The following PRICKLE2 variants were observed in gnomAD, a reference collection of about 807,000 sequenced individuals.
PRICKLE2 encodes the protein prickle-like protein 2.
A neutral mutation model predicts 81.4 loss-of-function variants in PRICKLE2; 21 were observed. That is an observed-to-expected ratio of 0.26 (90% CI 0.18 to 0.37). The LOEUF is 0.37. Ranked by LOEUF, PRICKLE2 falls within the 10% of genes least tolerant of loss-of-function variation. The probability of loss-of-function intolerance (pLI) is 1.00; values close to 1 mark genes in which losing one functional copy is unlikely to be tolerated. For synonymous variants in PRICKLE2, 456 were observed against 421.5 expected, an observed-to-expected ratio of 1.08 and a Z score of -1.00; for missense variants, 940 against 1,109.0, an observed-to-expected ratio of 0.85 and a Z score of 2.16.
At chr3:64,224,866 A>G (rs1027344207) in intron 1 of PRICKLE2, 44 bp downstream of exon 1, 2 of 965,086 alleles carry the variant, frequency 2.1e-6, no homozygotes, top group Admixed American at 6.2e-5. Flanking sequence ...CTTAGAAAAT[A>G]TACTGCTGTT....
intron 2 of PRICKLE2, among the ~76,000 whole-genome samples, chr3:64,192,769 T>C (rs1167677075): frequency 6.6e-6 from 1 of 152,220 alleles, no homozygotes; most frequent in Non-Finnish European, 1.5e-5. Flanking sequence ...TTGAGTGTTC[T>C]GGATGATGAA....
chr3:64,261,114 A>T (rs1053285087), intron 2 of PRICKLE2, among the ~76,000 whole-genome samples: 1 of 152,310 alleles, frequency 6.6e-6, no homozygotes, highest in East Asian at 1.9e-4. Context: ...ACAGACCTCC[A>T]CAAGGGGCAA....
At chr3:64,215,370 T>C (rs2078855838) in intron 1 of PRICKLE2, among the ~76,000 whole-genome samples, 1 of 152,172 alleles carries the variant, frequency 6.6e-6, no homozygotes, top group Non-Finnish European at 1.5e-5. Flanking sequence ...TTTTCACTAT[T>C]CCCATCATCA....
intron 2 of PRICKLE2, among the ~76,000 whole-genome samples, chr3:64,243,335 TGA>T (rs1303206332): frequency 0.01 from 1,542 of 152,366 alleles, 33 homozygotes; most frequent in African/African-American, 0.035. Context: ...GCAGTACCCA[TGA>T]CCTATATCCA....
chr3:64,101,816 A>G (rs995737830), intron 7 of PRICKLE2: 1 of 152,152 alleles, frequency 6.6e-6, no homozygotes, highest in Non-Finnish European at 1.5e-5. Flanking sequence ...AGGGGGTAAA[A>G]TTTGATGGGG....
At chr3:64,198,260 C>CA (rs1163724704) in intron 2 of PRICKLE2, among the ~76,000 whole-genome samples, 1 of 136,662 alleles carries the variant, frequency 7.3e-6, no homozygotes, top group Non-Finnish European at 1.6e-5. Context: ...ATAAATAAAA[C>CA]AAAAAAAATT....
At chr3:64,221,889 C>T (rs1294556334) in intron 1 of PRICKLE2, among the ~76,000 whole-genome samples, 2 of 152,190 alleles carry the variant, frequency 1.3e-5, no homozygotes, top group Non-Finnish European at 2.9e-5. Context: ...GTGTTTGGAA[C>T]TGATGTTTAT....
At chr3:64,224,375 G>A (rs1468240757) in intron 1 of PRICKLE2, among the ~76,000 whole-genome samples, 1 of 152,152 alleles carries the variant, frequency 6.6e-6, no homozygotes, top group East Asian at 1.9e-4. Flanking sequence ...AGGGCAAACC[G>A]AATCATGTGT....
At chr3:64,132,648 A>G (rs1340556033) in intron 7 of PRICKLE2, among the ~76,000 whole-genome samples, 1 of 152,246 alleles carries the variant, frequency 6.6e-6, no homozygotes, top group Non-Finnish European at 1.5e-5. Context: ...TCAAAAATTT[A>G]AAACATCTTT....
intron 2 of PRICKLE2, chr3:64,194,324 A>G (rs1436957673): frequency 6.6e-6 from 1 of 152,252 alleles, no homozygotes; most frequent in Non-Finnish European, 1.5e-5. Context: ...TAGGTGCTCA[A>G]TAAATGTTTG....
chr3:64,195,676 A>T (rs1016859826), intron 2 of PRICKLE2, among the ~76,000 whole-genome samples: 3 of 149,342 alleles, frequency 2.0e-5, no homozygotes, highest in Non-Finnish European at 3.0e-5. Flanking sequence ...ACAGCTTTCT[A>T]AAAAAAAACC....
rs2076571819 is a variant in PRICKLE2 at position 64,096,290 on chromosome 3, G to A, written c.*2761C>T. The A allele has an allele frequency of 6.6e-6, 1 of 152,194 alleles. No homozygotes were observed. Among genetic ancestry groups the A allele is most frequent in the South Asian group, 2.1e-4 (1 of 4,830 alleles). The allele number at this position is 152,194 out of a possible 1,614,324, so 9.4% of individuals were successfully genotyped here. On this transcript the variant is annotated 3_prime_UTR_variant, in exon 8 of 8. Transcript: ENST00000638394. ...GTGAGTACAGGCCCTACTCACAGGA[G>A]GAGCTTGTCCAATAAGAGTTAATGG...
intron 1 of PRICKLE2, among the ~76,000 whole-genome samples, chr3:64,204,048 A>C (rs2107124935): frequency 6.6e-6 from 1 of 152,186 alleles, no homozygotes; most frequent in Non-Finnish European, 1.5e-5. Context: ...AACCCAAATA[A>C]CTATCAAGCA....
intron 1 of PRICKLE2, among the ~76,000 whole-genome samples, chr3:64,214,136 G>T (rs531361895): frequency 7.0e-4 from 106 of 152,304 alleles, no homozygotes; most frequent in South Asian, 2.3e-3. Flanking sequence ...GAGCCAGCTG[G>T]CAGCGGAATC....
At position 64,225,180 on chromosome 3, in the gene PRICKLE2, GA is replaced by G. The variant is rs1301750165; in HGVS notation, c.-312del. ...CTGCTGGGGAATTCACCAAGCAAGA[GA>G]AAAAAAGTATGACTTCTACTCTTCC... On this transcript the variant is annotated 5_prime_UTR_variant, in exon 1 of 8. Transcript: ENST00000638394. The G allele has an allele frequency of 9.1e-6, 9 of 985,300 alleles. No individual in the cohort carries two copies. Among genetic ancestry groups the G allele is most frequent in the Non-Finnish European group, 1.1e-5 (9 of 829,928 alleles). The allele number at this position is 985,300 out of a possible 1,614,324, so 61.0% of individuals were successfully genotyped here. A position where few individuals can be genotyped will look rare whatever the true frequency, so the allele number is the denominator to read the frequency against.
intron 1 of PRICKLE2, among the ~76,000 whole-genome samples, chr3:64,202,645 C>CGTGCGTGTGT (rs1553652980): frequency 2.7e-5 from 4 of 149,326 alleles, no homozygotes; most frequent in Non-Finnish European, 1.5e-5. Context: ...TACTTGTGTG[C>CGTGCGTGTGT]GTGTGTGTGT....
chr3:64,168,582 C>T lies in PRICKLE2; in HGVS notation c.145-5453G>A, dbSNP rs138138180. ...GTTTTTATACACAGTATTTCATAAA[C>T]CTTCTGCACACTCTGGAGGTGGGTA... On this transcript the variant is annotated intron_variant, in intron 2 of 7. Transcript: ENST00000638394. 9.1e-4 allele frequency among the ~76,000 whole-genome samples: 139 copies of T among 152,210 alleles called. 1 individual carries two copies. The highest frequency in any genetic ancestry group is 3.2e-3 in the African/African-American group (133 of 41,534).
At chr3:64,266,990 T>C (rs1311414331) in intron 2 of PRICKLE2, among the ~76,000 whole-genome samples, 1 of 151,664 alleles carries the variant, frequency 6.6e-6, no homozygotes, top group Admixed American at 6.6e-5. Flanking sequence ...TCTCAACCTC[T>C]TGCTTAGGTA....
chr3:64,198,544 A>C (rs866192779), intron 2 of PRICKLE2, among the ~76,000 whole-genome samples: 3 of 152,356 alleles, frequency 2.0e-5, no homozygotes, highest in Admixed American at 6.5e-5. Context: ...ATGTTTCTAG[A>C]CAATCCTGGT....
Sources: gnomAD v4.1 joint callset for allele counts (sites outside exome capture counted in the v4.1 genomes callset) on GRCh38, gnomAD v4.1.1 for gene constraint, MANE v1.5 for transcripts, NCBI Gene and HGNC (gene_info 2026-07-23, HGNC 2026-07-21) for gene names.